The following CIT variants were observed in gnomAD, a reference collection of about 807,000 sequenced individuals.
CIT encodes the protein citron rho-interacting serine/threonine kinase.
Under a neutral mutation model 272.7 loss-of-function variants are expected in CIT, and 79 were observed. The observed-to-expected ratio is 0.29, with a 90% CI of 0.24 to 0.35. CIT has a LOEUF of 0.35. Among genes scored for constraint, CIT ranks in the 10% least tolerant of loss-of-function variants. The probability of loss-of-function intolerance (pLI) is 1.00; values close to 1 mark genes in which losing one functional copy is unlikely to be tolerated. For missense variants in CIT, 1,909 were observed against 2,618.3 expected, an observed-to-expected ratio of 0.73 and a Z score of 5.91; for synonymous variants, 948 against 995.6, an observed-to-expected ratio of 0.95 and a Z score of 0.90.
intron 10 of CIT, among the ~76,000 whole-genome samples, chr12:119,789,273 A>G (rs904040052): frequency 5.9e-5 from 9 of 152,224 alleles, no homozygotes; most frequent in African/African-American, 2.2e-4. Context: ...CTAGCCACTT[A>G]AAACTCATTG....
chr12:119,859,956 A>G (rs928971166), intron 3 of CIT, among the ~76,000 whole-genome samples: 2 of 152,192 alleles, frequency 1.3e-5, no homozygotes, highest in Non-Finnish European at 2.9e-5. Flanking sequence ...AGCTGGGACT[A>G]TAGGCGCACA....
chr12:119,833,090 G>A (rs952797416), intron 6 of CIT, among the ~76,000 whole-genome samples: 8 of 152,142 alleles, frequency 5.3e-5, no homozygotes, highest in African/African-American at 1.2e-4. Flanking sequence ...GAAAAAGGGC[G>A]AGAGGGAGCA....
At chr12:119,805,866 G>A (rs1397718370) in intron 9 of CIT, among the ~76,000 whole-genome samples, 1 of 152,204 alleles carries the variant, frequency 6.6e-6, no homozygotes, top group Non-Finnish European at 1.5e-5. Context: ...CAGGCACAGT[G>A]GCTCATGCCT....
At chr12:119,706,042 A>C (rs1382795394) in intron 40 of CIT, among the ~76,000 whole-genome samples, 1 of 151,198 alleles carries the variant, frequency 6.6e-6, no homozygotes, top group Non-Finnish European at 1.5e-5. Context: ...GTGAGCCAAG[A>C]TCGTGCCGCT....
intron 9 of CIT, among the ~76,000 whole-genome samples, chr12:119,821,845 A>C (rs1470813995): frequency 6.6e-6 from 1 of 152,210 alleles, no homozygotes; most frequent in Non-Finnish European, 1.5e-5. Flanking sequence ...AATAATAAAA[A>C]CATTTGCCAA....
At chr12:119,735,937 C>T (rs968720399) in intron 24 of CIT, among the ~76,000 whole-genome samples, 2 of 152,204 alleles carry the variant, frequency 1.3e-5, no homozygotes, top group African/African-American at 4.8e-5. Flanking sequence ...AAATACAATA[C>T]ACTGTACTAT....
At chr12:119,831,596 G>A (rs1968635906) in intron 7 of CIT, among the ~76,000 whole-genome samples, 1 of 152,192 alleles carries the variant, frequency 6.6e-6, no homozygotes, top group Non-Finnish European at 1.5e-5. Flanking sequence ...AGAGCCGGGC[G>A]CAGTGGCTTA....
At chr12:119,866,054 C>A (rs914369478) in intron 3 of CIT, among the ~76,000 whole-genome samples, 1 of 151,976 alleles carries the variant, frequency 6.6e-6, no homozygotes, top group Non-Finnish European at 1.5e-5. Context: ...ATCACACTGC[C>A]CTGACCCCTT....
At chr12:119,715,889 A>T (rs117371248) in intron 32 of CIT, among the ~76,000 whole-genome samples, 1,615 of 152,316 alleles carry the variant, frequency 0.011, 15 homozygotes, top group Non-Finnish European at 0.019. Context: ...TCTCCTTACA[A>T]CATCACCCCC....
chr12:119,752,872 T>C (rs1372594722), intron 22 of CIT, among the ~76,000 whole-genome samples: 5 of 152,008 alleles, frequency 3.3e-5, no homozygotes, highest in Non-Finnish European at 7.4e-5. Flanking sequence ...TGCCTTCAAG[T>C]GGGGAGAAAA....
At chr12:119,857,760 G>GAA in intron 3 of CIT, 62 bp from the exon 4 acceptor site, 1 of 1,315,956 alleles carries the variant, frequency 7.6e-7, no homozygotes, top group East Asian at 2.5e-5. Flanking sequence ...GCATCTTTAT[G>GAA]AAAGAAAAAA....
chr12:119,818,224 T>C (rs1170772822), intron 9 of CIT, among the ~76,000 whole-genome samples: 2 of 152,092 alleles, frequency 1.3e-5, no homozygotes, highest in African/African-American at 2.4e-5. Context: ...TGAAGGAGCA[T>C]AGTGTAATAT....
chr12:119,787,006 G>A (rs759771995), intron 10 of CIT, among the ~76,000 whole-genome samples: 10 of 152,046 alleles, frequency 6.6e-5, no homozygotes, highest in Non-Finnish European at 1.2e-4. Context: ...GTCTCACTCC[G>A]ATGCCCAGGC....
Position 119,803,212 on chromosome 12 carries a change from C to A in CIT, c.1289G>T (p.Arg430Ile), listed in dbSNP as rs1451574193. ...AAGTCAAATTTTCACTTACTCAGAT[C>A]TACCAAGAATCCCCAGTGCCTTGCT... ...SYSKALGILG[R>I]SESVVSGLDS... The change falls in exon 10 of 48, where the codon AGA becomes ATA. Residue 430 changes from arginine to isoleucine, a missense_variant. Physicochemically the swap from Arg to Ile is moderately conservative, Grantham distance 97. Transcript: ENST00000392521. 2 of 1,437,112 alleles carry A rather than the reference C, an allele frequency of 1.4e-6. No homozygotes were observed. The highest frequency in any genetic ancestry group is 6.3e-5 in the East Asian group (2 of 31,730). The allele number at this position is 1,437,112 out of a possible 1,614,324, so 89.0% of individuals were successfully genotyped here.
Position 119,824,786 on chromosome 12 carries a change from GTTTT to G in CIT, c.957+375_957+378del, listed in dbSNP as rs1396606852. Among the ~76,000 whole-genome samples, 5 of 151,960 alleles carry G rather than the reference GTTTT, an allele frequency of 3.3e-5. No individual in the cohort carries two copies. In the East Asian group the frequency reaches 9.7e-4, roughly 29 times the overall value. ...AAACATTCATTCACACAATTTTTTG[GTTTT>G]TTGTTTTGTTTTGTTTTGTTTTTTA... is the stretch of plus-strand genomic sequence containing the variant. On this transcript the variant is annotated intron_variant, in intron 8 of 47. Coordinates refer to ENST00000392521, the MANE Select transcript of CIT (RefSeq NM_001206999.2).
At chr12:119,759,726 TC>T (rs571196318) in intron 20 of CIT, among the ~76,000 whole-genome samples, 4 of 152,020 alleles carry the variant, frequency 2.6e-5, no homozygotes, top group African/African-American at 9.7e-5. Context: ...CTCAAAACCA[TC>T]CCCCCACCCC....
intron 16 of CIT, among the ~76,000 whole-genome samples, chr12:119,774,797 A>T (rs1963575323): frequency 1.3e-5 from 2 of 151,878 alleles, no homozygotes; most frequent in Non-Finnish European, 2.9e-5. Context: ...ACATGGCAAA[A>T]TCCTATCTCT....
chr12:119,759,315 G>A (rs183939), intron 20 of CIT, among the ~76,000 whole-genome samples: 111 of 152,342 alleles, frequency 7.3e-4, no homozygotes, highest in African/African-American at 2.3e-3. Flanking sequence ...CATGACCTGC[G>A]CAAGCGAGGG....
rs77787966 is a variant in CIT, at chr12:119,789,614, A to T, written c.1296-4549T>A. Among the ~76,000 whole-genome samples the T allele has an allele frequency of 9.6e-3, 1,455 of 152,328 alleles. 15 individuals carry two copies. Among genetic ancestry groups the T allele is most frequent in the African/African-American group, 0.033 (1,360 of 41,576 alleles). On this transcript the variant is annotated intron_variant, in intron 10 of 47. Coordinates refer to ENST00000392521, the MANE Select transcript of CIT (RefSeq NM_001206999.2). ...CTAGCATCAATGGTAAGTTCTCAGT[A>T]TGTATTTCTTGAGCACACATATCCT...
Sources: allele counts gnomAD v4.1 joint callset (sites outside exome capture counted in the v4.1 genomes callset), GRCh38; gene constraint gnomAD v4.1.1; transcripts MANE v1.5; gene names NCBI Gene and HGNC (gene_info 2026-07-23, HGNC 2026-07-21).